LIN7A: variants seen among roughly 807,000 people sequenced by gnomAD.
The protein encoded by LIN7A is protein lin-7 homolog A.
LIN7A carries 25 observed loss-of-function variants against 29.8 expected under a neutral mutation model. The ratio of observed to expected loss-of-function variants is 0.84; its 90% CI spans 0.61 to 1.17. LIN7A has a LOEUF of 1.17. Among genes scored for constraint, LIN7A ranks in the 50% most tolerant of loss-of-function variants. LIN7A has a pLI of 0.00. For synonymous variants in LIN7A, 118 were observed against 107.5 expected (o/e 1.10, Z -0.60); for missense variants, 239 against 287.0 (o/e 0.83, Z 1.21).
In LIN7A at chr12:80,811,596, T is replaced by C; in HGVS notation, c.571A>G (p.Lys191Glu). Residue 191 changes from lysine (K) to glutamate (E), a missense_variant, in exon 5 of 6, where the codon AAA becomes GAA. Coordinates refer to ENST00000552864, the MANE Select transcript of LIN7A (RefSeq NM_004664.4). ...CGAGCCTCCATTTCTTCCAGAACTT[T>C]TGGGGTGTATCGCACCACCAGCTTG... ...SVKLVVRYTPKVLEEMEARFE... is the reference protein window; with the variant it reads ...SVKLVVRYTPEVLEEMEARFE... 2 of 1,614,116 alleles carry C rather than the reference T, an allele frequency of 1.2e-6. No homozygotes were observed. Among genetic ancestry groups the C allele is most frequent in the Non-Finnish European group, 1.7e-6 (2 of 1,180,020 alleles).
intron 4 of LIN7A, chr12:80,842,128 G>A (rs1375544606): frequency 7.8e-7 from 1 of 1,285,784 alleles, no homozygotes; most frequent in South Asian, 1.2e-5. Context: ...CTTCTTAGAA[G>A]CTAGGAGGAA....
chr12:80,894,370 G>A (rs900937488), intron 1 of LIN7A, among the ~76,000 whole-genome samples: 2 of 152,046 alleles, frequency 1.3e-5, no homozygotes, highest in Non-Finnish European at 2.9e-5. Flanking sequence ...TCCTCCTATT[G>A]TCTGCCACCT....
intron 2 of LIN7A, among the ~76,000 whole-genome samples, chr12:80,888,930 A>G (rs1352315921): frequency 6.6e-6 from 1 of 152,098 alleles, no homozygotes; most frequent in East Asian, 1.9e-4. Flanking sequence ...AGCCCCCATT[A>G]ATGATAACTA....
chr12:80,902,118 T>A (rs2682814), intron 1 of LIN7A, among the ~76,000 whole-genome samples: 102,976 of 151,816 alleles, frequency 0.68, 38,961 homozygotes, highest in Non-Finnish European at 0.87. Flanking sequence ...AGAGTGTCTT[T>A]CCCCCATTGC....
At chr12:80,896,823 G>A (rs1274055280) in intron 1 of LIN7A, among the ~76,000 whole-genome samples, 3 of 152,138 alleles carry the variant, frequency 2.0e-5, no homozygotes, top group Admixed American at 2.0e-4. Flanking sequence ...GGCATTGACT[G>A]CTCAAAGTGT....
intron 3 of LIN7A, among the ~76,000 whole-genome samples, chr12:80,847,893 C>T (rs1453670206): frequency 6.6e-6 from 1 of 152,142 alleles, no homozygotes; most frequent in East Asian, 1.9e-4. Flanking sequence ...AATCTTTAGA[C>T]CGGTGCAAAT....
rs1202457416 is a variant in LIN7A at position 80,794,994 on chromosome 12, T to C, written c.*2733A>G. On this transcript the variant is annotated 3_prime_UTR_variant, in exon 6 of 6. Coordinates refer to ENST00000552864, the MANE Select transcript of LIN7A (RefSeq NM_004664.4). ...ACCTAAAAAAGGGAAAAAATTAAAT[T>C]TCACCAGGATTTCTGGTGATATCGT... is the stretch of plus-strand genomic sequence containing the variant. 1 of 152,158 alleles carries C rather than the reference T, an allele frequency of 6.6e-6. No homozygotes were observed. The highest frequency in any genetic ancestry group is 1.5e-5 in the Non-Finnish European group (1 of 67,996). 9.4% of individuals were successfully genotyped at this position (152,158 alleles called of 1,614,324 possible). A position where few individuals can be genotyped will look rare whatever the true frequency, so the allele number is the denominator to read the frequency against.
At chr12:80,836,979 G>A (rs530502740) in intron 4 of LIN7A, among the ~76,000 whole-genome samples, 42 of 151,962 alleles carry the variant, frequency 2.8e-4, no homozygotes, top group African/African-American at 8.2e-4. Context: ...GATGGGGGGC[G>A]GGGAAAGAAG....
intron 1 of LIN7A, among the ~76,000 whole-genome samples, chr12:80,922,865 C>T (rs1190807212): frequency 1.3e-5 from 2 of 152,180 alleles, no homozygotes; most frequent in Non-Finnish European, 2.9e-5. Context: ...CCTGTATACA[C>T]TACCTGCCCA....
At chr12:80,856,345 G>C (rs1168692159) in intron 2 of LIN7A, among the ~76,000 whole-genome samples, 1 of 152,150 alleles carries the variant, frequency 6.6e-6, no homozygotes, top group Non-Finnish European at 1.5e-5. Flanking sequence ...AGGTCGAAAT[G>C]AGTTATAAAA....
intron 4 of LIN7A, among the ~76,000 whole-genome samples, chr12:80,823,185 C>A (rs1218199250): frequency 6.6e-6 from 1 of 152,214 alleles, no homozygotes; most frequent in African/African-American, 2.4e-5. Flanking sequence ...GAACTTGGGA[C>A]CTGCCAAATG....
Position 80,811,691 on chromosome 12 carries a change from T to C in LIN7A, c.484-8A>G. On this transcript the variant is annotated splice_region_variant and splice_polypyrimidine_tract_variant and intron_variant, in intron 4 of 5. Coordinates refer to ENST00000552864, the MANE Select transcript of LIN7A (RefSeq NM_004664.4). ...GTGTTCTCCTTCCACACTCTGAAAA[T>C]ACAATGACACTTCTTAAAGGGAGGA... 1.3e-6 allele frequency: 2 copies of C among 1,598,626 alleles called. No homozygotes were observed. The highest frequency in any genetic ancestry group is 1.1e-5 in the South Asian group (1 of 90,446).
intron 1 of LIN7A, among the ~76,000 whole-genome samples, chr12:80,920,428 G>A (rs1419965296): frequency 6.6e-6 from 1 of 152,154 alleles, no homozygotes; most frequent in African/African-American, 2.4e-5. Context: ...CACCAAAGAT[G>A]GAAGGGAGCA....
intron 2 of LIN7A, among the ~76,000 whole-genome samples, chr12:80,877,724 A>G (rs1874783833): frequency 1.3e-5 from 2 of 152,212 alleles, no homozygotes; most frequent in Non-Finnish European, 2.9e-5. Context: ...AATTACCCCC[A>G]GGGAATAACA....
intron 4 of LIN7A, chr12:80,842,134 A>T: frequency 5.4e-6 from 7 of 1,284,964 alleles, no homozygotes; most frequent in Non-Finnish European, 6.1e-6. Flanking sequence ...AGAAGCTAGG[A>T]GGAAAAAATC....
intron 4 of LIN7A, among the ~76,000 whole-genome samples, chr12:80,824,238 T>G (rs1592864908): frequency 6.6e-6 from 1 of 152,154 alleles, no homozygotes; most frequent in African/African-American, 2.4e-5. Flanking sequence ...TGTGAACACC[T>G]TTATACACAT....
intron 2 of LIN7A, among the ~76,000 whole-genome samples, chr12:80,886,114 G>A (rs1875312181): frequency 6.6e-6 from 1 of 151,748 alleles, no homozygotes; most frequent in East Asian, 1.9e-4. Context: ...ACTTTCACAA[G>A]GAAAAGTATT....
chr12:80,878,544 A>G (rs1381849375), intron 2 of LIN7A, among the ~76,000 whole-genome samples: 1 of 152,190 alleles, frequency 6.6e-6, no homozygotes, highest in Non-Finnish European at 1.5e-5. Flanking sequence ...AGACCCAAAG[A>G]GTGAGCAGCA....
intron 2 of LIN7A, among the ~76,000 whole-genome samples, chr12:80,883,728 T>A (rs1875186508): frequency 6.6e-6 from 1 of 152,250 alleles, no homozygotes; most frequent in Non-Finnish European, 1.5e-5. Context: ...ATTAGTCCAT[T>A]ATTTTAAACT....
Sources: allele counts gnomAD v4.1 joint callset (sites outside exome capture counted in the v4.1 genomes callset), GRCh38; gene constraint gnomAD v4.1.1; transcripts MANE v1.5; gene names NCBI Gene and HGNC (gene_info 2026-07-23, HGNC 2026-07-21).